CRYBG1: variants seen among roughly 807,000 people sequenced by gnomAD.
CRYBG1 encodes crystallin beta-gamma domain containing 1.
A neutral mutation model predicts 189.2 loss-of-function variants in CRYBG1; 139 were observed. That is an observed-to-expected ratio of 0.73 (90% confidence interval 0.64 to 0.85). CRYBG1 has a LOEUF of 0.85. CRYBG1 is among the 40% of genes least tolerant of loss of function. The probability of loss-of-function intolerance (pLI) is 0.00; values close to 1 mark genes in which losing one functional copy is unlikely to be tolerated. For synonymous variants in CRYBG1, 1,023 were observed against 1,017.1 expected, an observed-to-expected ratio of 1.01 and a Z score of -0.11; for missense variants, 2,611 against 2,675.8, an observed-to-expected ratio of 0.98 and a Z score of 0.53.
intron 18 of CRYBG1, among the ~76,000 whole-genome samples, chr6:106,560,397 C>A (rs1390740501): frequency 6.6e-6 from 1 of 152,190 alleles, no homozygotes; most frequent in East Asian, 1.9e-4. Context: ...ATTACTCTCA[C>A]TGCAGACAAA....
In CRYBG1 at chr6:106,552,171, T is replaced by A; in HGVS notation, c.5440-13T>A. ...TATTCATTTCCTTTTCTCCTTCCTTTAAAAATTTTTAGGATTCTTTCACTG... is the reference window on the plus strand; with the variant it reads ...TATTCATTTCCTTTTCTCCTTCCTTAAAAAATTTTTAGGATTCTTTCACTG... On this transcript the variant is annotated splice_polypyrimidine_tract_variant and intron_variant, in intron 14 of 21. Coordinates refer to ENST00000633556, the MANE Select transcript of CRYBG1 (RefSeq NM_001371242.2). 2 of 1,584,878 alleles carry A rather than the reference T, an allele frequency of 1.3e-6. No homozygotes were observed. Among genetic ancestry groups the A allele is most frequent in the Non-Finnish European group, 1.7e-6 (2 of 1,163,214 alleles).
intron 4 of CRYBG1, among the ~76,000 whole-genome samples, chr6:106,523,507 T>C (rs897001900): frequency 6.6e-6 from 1 of 152,096 alleles, no homozygotes; most frequent in African/African-American, 2.4e-5. Context: ...AAAGGAAAAA[T>C]AAAATCTTTA....
At chr6:106,465,961 A>G (rs1255743433) in intron 2 of CRYBG1, among the ~76,000 whole-genome samples, 1 of 152,206 alleles carries the variant, frequency 6.6e-6, no homozygotes, top group Non-Finnish European at 1.5e-5. Context: ...TGCATTAGCA[A>G]CCTTAAATAT....
At chr6:106,400,800 A>G (rs566733451) in intron 1 of CRYBG1, among the ~76,000 whole-genome samples, 2 of 152,290 alleles carry the variant, frequency 1.3e-5, no homozygotes, top group African/African-American at 4.8e-5. Flanking sequence ...GACAGAGAGG[A>G]GGGTGATCAG....
intron 2 of CRYBG1, among the ~76,000 whole-genome samples, chr6:106,482,093 A>T (rs1445309543): frequency 2.0e-5 from 3 of 152,058 alleles, no homozygotes; most frequent in African/African-American, 4.8e-5. Context: ...GCTTCAGTCA[A>T]GGTGTCAGCT....
At chr6:106,493,196 A>G (rs1476355922) in intron 2 of CRYBG1, among the ~76,000 whole-genome samples, 1 of 152,226 alleles carries the variant, frequency 6.6e-6, no homozygotes, top group Non-Finnish European at 1.5e-5. Context: ...TGGGCAAAAG[A>G]CTTGAATGAC....
intron 2 of CRYBG1, among the ~76,000 whole-genome samples, chr6:106,475,038 T>C (rs1002474045): frequency 2.0e-5 from 3 of 152,326 alleles, no homozygotes; most frequent in African/African-American, 7.2e-5. Flanking sequence ...AACCTTTTGA[T>C]AAATACTCTG....
chr6:106,520,072 T>A lies in CRYBG1; in HGVS notation c.2864T>A (p.Val955Asp), dbSNP rs371699966. The change falls in exon 4 of 22, where the codon GTC (valine) becomes GAC (aspartate). Residue 955 changes from valine (V) to aspartate (D), a missense_variant. Physicochemically the swap from Val to Asp is radical, Grantham distance 152. Coordinates refer to ENST00000633556, the MANE Select transcript of CRYBG1 (RefSeq NM_001371242.2). ...VGSECPSRVL[V>D]QVRSFVLPVE... Reference sequence around the variant, plus strand: ...AGTGAGTGTCCATCCAGAGTCCTCGTCCAGGTCAGGTCCTTCGTGCTCCCC... The same window carrying A: ...AGTGAGTGTCCATCCAGAGTCCTCGACCAGGTCAGGTCCTTCGTGCTCCCC... The A allele has an allele frequency of 3.5e-5, 57 of 1,614,044 alleles. No individual in the cohort carries two copies. The highest frequency in any genetic ancestry group is 4.2e-5 in the Non-Finnish European group (50 of 1,180,038).
In CRYBG1 at chr6:106,423,694, C is replaced by CTTTTTTTTTTTTTTTTTTTTTTT. The variant is rs1350862841; in HGVS notation, c.174-28000_174-27999insTTTTTTTTTTTTTTTTTTTTTTT. Among the ~76,000 whole-genome samples, 8 of 101,246 alleles carry CTTTTTTTTTTTTTTTTTTTTTTT rather than the reference C, an allele frequency of 7.9e-5. 4 individuals carry two copies. Among genetic ancestry groups the CTTTTTTTTTTTTTTTTTTTTTTT allele is most frequent in the African/African-American group, 2.5e-4 (6 of 23,608 alleles). 66.4% of individuals were successfully genotyped at this position (101,246 alleles called of 152,430 possible). On this transcript the variant is annotated intron_variant, in intron 1 of 21. Coordinates refer to ENST00000633556, the MANE Select transcript of CRYBG1 (RefSeq NM_001371242.2). ...CCCTCCAGTCCTCAGTTCTCCCTCC[C>CTTTTTTTTTTTTTTTTTTTTTTT]CTTTTTTTTTTTTTTTTTTTTTTTT...
chr6:106,419,059 C>G (rs1010362819), intron 1 of CRYBG1, among the ~76,000 whole-genome samples: 1 of 152,112 alleles, frequency 6.6e-6, no homozygotes, highest in African/African-American at 2.4e-5. Context: ...TGTTGTCTGC[C>G]CCTTACTGTA....
chr6:106,568,366 CTT>C (rs1429601617), intron 21 of CRYBG1, 104 bp from the exon 22 acceptor site: 2 of 906,250 alleles, frequency 2.2e-6, no homozygotes, highest in South Asian at 3.1e-5. Context: ...AGTTCTACAC[CTT>C]GTTTACTTGC....
rs990510196 is a variant in CRYBG1 at position 106,571,739 on chromosome 6, G to A, written c.*3173G>A. On this transcript the variant is annotated 3_prime_UTR_variant, in exon 22 of 22. Coordinates refer to ENST00000633556, the MANE Select transcript of CRYBG1 (RefSeq NM_001371242.2). ...AGTTTAAGCTAGTAAAACAGAAGGT[G>A]CCACAACAACCTGCAAAGCCAGTGT... 8 of 408,838 alleles carry A rather than the reference G, an allele frequency of 2.0e-5. No homozygotes were observed. Among genetic ancestry groups the A allele is most frequent in the Admixed American group, 8.2e-5 (2 of 24,448 alleles). The allele number at this position is 408,838 out of a possible 1,614,324, so 25.3% of individuals were successfully genotyped here. A position where few individuals can be genotyped will look rare whatever the true frequency, so the allele number is the denominator to read the frequency against.
At chr6:106,442,130 G>C (rs1442051038) in intron 1 of CRYBG1, among the ~76,000 whole-genome samples, 4 of 152,108 alleles carry the variant, frequency 2.6e-5, no homozygotes, top group African/African-American at 7.2e-5. Flanking sequence ...AAGAAAAGTA[G>C]GTGTTTGTGA....
At chr6:106,377,177 G>A (rs572345891) in intron 1 of CRYBG1, among the ~76,000 whole-genome samples, 11 of 152,008 alleles carry the variant, frequency 7.2e-5, no homozygotes, top group East Asian at 5.8e-4. Context: ...TTTCCTCCTC[G>A]TTTCTGGGCA....
intron 3 of CRYBG1, 24 bp downstream of exon 3, chr6:106,513,063 C>G: frequency 6.3e-7 from 1 of 1,585,750 alleles, no homozygotes; most frequent in South Asian, 1.1e-5. Context: ...CAAGTCCCGG[C>G]CGAGTTGCTG....
In CRYBG1 at chr6:106,511,784, G is replaced by T. The variant is rs1308771855; in HGVS notation, c.667G>T (p.Ala223Ser). 1 of 1,533,884 alleles carries T rather than the reference G, an allele frequency of 6.5e-7. No homozygotes were observed. Among genetic ancestry groups the T allele is most frequent in the Non-Finnish European group, 8.7e-7 (1 of 1,145,698 alleles). Residue 223 changes from alanine to serine, a missense_variant, in exon 3 of 22, where the codon GCT becomes TCT. This residue lies in a region of CRYBG1 where 985 missense variants were observed against 924.4 expected (regional missense o/e 1.07). Transcript: ENST00000633556. The stretch of plus-strand genomic sequence containing the variant: ...CTGGAGCAGCAGTGCAGCGGCTGTG[G>T]CTGTGCAGCAGTGCCATGAAAATGA... Reference protein sequence around the residue: ...PRWSSSAAAVAVQQCHENDSP... With the variant: ...PRWSSSAAAVSVQQCHENDSP...
chr6:106,386,652 A>G (rs1770395645), intron 1 of CRYBG1, among the ~76,000 whole-genome samples: 1 of 123,010 alleles, frequency 8.1e-6, no homozygotes, highest in African/African-American at 3.2e-5. Context: ...CATGCAGCCT[A>G]GATCCCTTGT....
At chr6:106,377,036 G>C (rs773232171) in intron 1 of CRYBG1, among the ~76,000 whole-genome samples, 45 of 152,188 alleles carry the variant, frequency 3.0e-4, no homozygotes, top group Non-Finnish European at 5.6e-4. Flanking sequence ...TTGAACACCT[G>C]TGCTTAAAAG....
intron 1 of CRYBG1, among the ~76,000 whole-genome samples, chr6:106,414,542 G>A (rs1350725117): frequency 1.3e-5 from 2 of 152,234 alleles, no homozygotes; most frequent in Non-Finnish European, 2.9e-5. Context: ...TTGAGAGAGA[G>A]ATAAGAAGAG....
Sources: gnomAD v4.1 joint callset for allele counts (sites outside exome capture counted in the v4.1 genomes callset) on GRCh38, gnomAD v4.1.1 for gene constraint, gnomAD v4.1.1 regional missense constraint, MANE v1.5 for transcripts, NCBI Gene and HGNC (gene_info 2026-07-23, HGNC 2026-07-21) for gene names.